The following DGKG variants were observed in gnomAD, a reference collection of about 807,000 sequenced individuals.
DGKG encodes diacylglycerol kinase gamma.
A neutral mutation model predicts 105.3 loss-of-function variants in DGKG; 78 were observed. The observed-to-expected ratio is 0.74, with a 90% CI of 0.62 to 0.89. The LOEUF (loss-of-function observed/expected upper bound fraction) is 0.89. DGKG is among the 40% of genes least tolerant of loss of function. DGKG has a pLI of 0.00. For missense variants in DGKG, 958 were observed against 1,020.1 expected (o/e 0.94, Z 0.83); for synonymous variants, 346 against 367.1 (o/e 0.94, Z 0.66).
At chr3:186,350,100 G>C (rs1203984169) in intron 1 of DGKG, among the ~76,000 whole-genome samples, 2 of 152,024 alleles carry the variant, frequency 1.3e-5, no homozygotes, top group African/African-American at 2.4e-5. Flanking sequence ...ATGTTGGCCA[G>C]GCTGGTCTCG....
chr3:186,304,093 T>C (rs895918110), intron 3 of DGKG, among the ~76,000 whole-genome samples: 9 of 152,182 alleles, frequency 5.9e-5, no homozygotes, highest in African/African-American at 1.9e-4. Flanking sequence ...TGCGTGCTCA[T>C]AGCAGCCAAG....
intron 14 of DGKG, chr3:186,262,085 G>A: frequency 3.9e-6 from 1 of 258,376 alleles, no homozygotes; most frequent in South Asian, 4.7e-5. Context: ...ATGAAATTTT[G>A]TGGGAGACAC....
chr3:186,289,899 G>A (rs550731256), intron 5 of DGKG, among the ~76,000 whole-genome samples: 3 of 152,204 alleles, frequency 2.0e-5, no homozygotes, highest in Non-Finnish European at 2.9e-5. Context: ...CAATGGGAGT[G>A]AATATTCCAT....
At chr3:186,292,856 C>T (rs1723374677) in intron 5 of DGKG, among the ~76,000 whole-genome samples, 1 of 151,942 alleles carries the variant, frequency 6.6e-6, no homozygotes, top group South Asian at 2.1e-4. Context: ...ACAATACAGT[C>T]TGATCCCAAT....
At chr3:186,260,154 C>T (rs1195830755) in intron 16 of DGKG, among the ~76,000 whole-genome samples, 6 of 152,152 alleles carry the variant, frequency 3.9e-5, no homozygotes, top group African/African-American at 9.7e-5. Flanking sequence ...CCTGTTCCTC[C>T]TGTCAATCAA....
At chr3:186,355,981 T>C (rs1213837365) in intron 1 of DGKG, among the ~76,000 whole-genome samples, 2 of 152,210 alleles carry the variant, frequency 1.3e-5, no homozygotes, top group Non-Finnish European at 2.9e-5. Context: ...ACAAAATTGC[T>C]TCTTTGACAA....
rs981789371 is a variant in DGKG, at chr3:186,203,609, A to G, written c.1917+8186T>C. 6.6e-6 allele frequency among the ~76,000 whole-genome samples: 1 copy of G among 152,158 alleles called. No homozygotes were observed. The highest frequency in any genetic ancestry group is 2.4e-5 in the African/African-American group (1 of 41,438). ...GCTGCCTTGGATGGTCTCACAGTGA[A>G]GGTGATGCTGGAATGAGGGAGCTGC... On this transcript the variant is annotated intron_variant, in intron 21 of 24. Transcript: ENST00000265022. The surrounding 1 kb of genome is among the most constrained non-coding windows in gnomAD (Gnocchi z 4.9).
chr3:186,238,319 C>G (rs918684870), intron 20 of DGKG, among the ~76,000 whole-genome samples: 58 of 140,038 alleles, frequency 4.1e-4, no homozygotes, highest in African/African-American at 1.5e-3. Context: ...AAAAAAAGAC[C>G]AAAAACATCC....
At chr3:186,358,506 TTG>T (rs142522791) in intron 1 of DGKG, among the ~76,000 whole-genome samples, 3 of 149,994 alleles carry the variant, frequency 2.0e-5, no homozygotes, top group Non-Finnish European at 3.0e-5. Flanking sequence ...TTCTAACCCT[TTG>T]TGTGTGTGTG....
intron 20 of DGKG, among the ~76,000 whole-genome samples, chr3:186,225,080 T>C (rs1257461558): frequency 6.6e-6 from 1 of 152,106 alleles, no homozygotes; most frequent in Non-Finnish European, 1.5e-5. Flanking sequence ...CTTTCTTTTT[T>C]TTTTTAATGT....
Position 186,265,288 on chromosome 3 carries a change from A to T in DGKG, c.1228T>A (p.Ser410Thr). ...CCCTTGGCGGACACGCAGCCATCAGACTTCTCACCTGGCCTGTCCTGTGAC... is the reference window on the plus strand; with the variant it reads ...CCCTTGGCGGACACGCAGCCATCAGTCTTCTCACCTGGCCTGTCCTGTGAC... ...PITRDRPGEK[S>T]DGCVSAKGEL... Residue 410 changes from serine to threonine, a missense_variant, in exon 14 of 25, where the codon TCT becomes ACT. Ser to Thr is a moderately conservative substitution (Grantham distance 58, BLOSUM62 1). Coordinates refer to ENST00000265022, the MANE Select transcript of DGKG (RefSeq NM_001346.3). The T allele has an allele frequency of 6.2e-7, 1 of 1,614,248 alleles. No homozygotes were observed.
At chr3:186,224,046 C>T (rs1478395500) in intron 20 of DGKG, among the ~76,000 whole-genome samples, 1 of 152,226 alleles carries the variant, frequency 6.6e-6, no homozygotes, top group Non-Finnish European at 1.5e-5. Context: ...TTAGCCACGC[C>T]TCTTATTTGT....
At chr3:186,337,444 A>G (rs1725883888) in intron 1 of DGKG, among the ~76,000 whole-genome samples, 2 of 152,204 alleles carry the variant, frequency 1.3e-5, no homozygotes, top group African/African-American at 4.8e-5. Flanking sequence ...CTTTAAGCAC[A>G]TCAGAAGGTA....
At chr3:186,247,802 C>A (rs944375275) in intron 19 of DGKG, among the ~76,000 whole-genome samples, 1 of 152,088 alleles carries the variant, frequency 6.6e-6, no homozygotes, top group East Asian at 1.9e-4. Flanking sequence ...AAAAAAATTA[C>A]AAGAAAGATA....
intron 19 of DGKG, among the ~76,000 whole-genome samples, chr3:186,247,977 T>TTTCC (rs1001605893): frequency 3.9e-5 from 6 of 152,022 alleles, no homozygotes; most frequent in African/African-American, 1.4e-4. Context: ...TCCTTCCTTC[T>TTTCC]TTCCTTCCTT....
chr3:186,329,511 C>T (rs530772134), intron 1 of DGKG, among the ~76,000 whole-genome samples: 16 of 152,282 alleles, frequency 1.1e-4, no homozygotes, highest in African/African-American at 3.1e-4. Flanking sequence ...CTTTGCTCTC[C>T]TAAAAACATT....
At chr3:186,291,228 AC>A (rs1410205905) in intron 5 of DGKG, among the ~76,000 whole-genome samples, 1 of 152,190 alleles carries the variant, frequency 6.6e-6, no homozygotes, top group Non-Finnish European at 1.5e-5. Flanking sequence ...ATCCTACGCA[AC>A]CCTTTTGGTG....
Position 186,235,499 on chromosome 3 carries a change from C to T in DGKG, c.1826+7005G>A, listed in dbSNP as rs145883207. Among the ~76,000 whole-genome samples the T allele has an allele frequency of 1.1e-3, 174 of 152,302 alleles. 3 individuals are homozygous for T. The highest frequency in any genetic ancestry group is 4.1e-3 in the African/African-American group (170 of 41,562). On this transcript the variant is annotated intron_variant, in intron 20 of 24. Transcript: ENST00000265022. ...TTTGCTATATTTGCTGCTGTTGAAC[C>T]TTTATGCCTTGAGAAAGTCACACAT...
chr3:186,256,281 A>T (rs1032692559), intron 17 of DGKG, among the ~76,000 whole-genome samples: 5 of 152,140 alleles, frequency 3.3e-5, no homozygotes, highest in Admixed American at 1.3e-4. Flanking sequence ...CTTCTCGCCC[A>T]GCTAGGTGGT....
Sources: gnomAD v4.1 joint callset for allele counts (sites outside exome capture counted in the v4.1 genomes callset) on GRCh38, gnomAD v4.1.1 for gene constraint, Gnocchi (gnomAD v3.1) non-coding constraint, MANE v1.5 for transcripts, NCBI Gene and HGNC (gene_info 2026-07-23, HGNC 2026-07-21) for gene names.